DIP2B: variants seen among roughly 807,000 people sequenced by gnomAD.
The protein encoded by DIP2B is DIP2 acetate--CoA ligase B (putative), also known as disco-interacting protein 2 homolog B.
In DIP2B, 76 loss-of-function variants were observed where a neutral mutation model predicts 198.0. That is an observed-to-expected ratio of 0.38 (90% CI 0.32 to 0.46). The LOEUF (loss-of-function observed/expected upper bound fraction) is 0.46, where lower values mean the gene tolerates loss of function less well. DIP2B is among the 20% of genes least tolerant of loss of function. The probability of loss-of-function intolerance (pLI) is 0.99; values close to 1 mark genes in which losing one functional copy is unlikely to be tolerated. For synonymous variants in DIP2B, 701 were observed against 739.1 expected (o/e 0.95, Z 0.84); for missense variants, 1,559 against 1,978.4 (o/e 0.79, Z 4.02).
chr12:50,745,075 A>G lies in DIP2B; in HGVS notation c.*236A>G. 1.8e-6 allele frequency: 1 copy of G among 545,484 alleles called. No individual in the cohort carries two copies. The highest frequency in any genetic ancestry group is 3.2e-5 in the East Asian group (1 of 31,568). 33.8% of individuals were successfully genotyped at this position (545,484 alleles called of 1,614,324 possible). A position where few individuals can be genotyped will look rare whatever the true frequency, so the allele number is the denominator to read the frequency against. The stretch of plus-strand genomic sequence containing the variant: ...TGCTTTGACATAGCGTGAGCAGCAC[A>G]TTACTAAAGCAATTACATGCATGTT... On this transcript the variant is annotated 3_prime_UTR_variant, in exon 38 of 38. Coordinates refer to ENST00000301180, the MANE Select transcript of DIP2B (RefSeq NM_173602.3).
At chr12:50,713,517 A>G (rs899037071) in intron 22 of DIP2B, among the ~76,000 whole-genome samples, 10 of 152,256 alleles carry the variant, frequency 6.6e-5, no homozygotes, top group Admixed American at 4.6e-4. Context: ...GCAAACATGC[A>G]GTTACATGGC....
intron 9 of DIP2B, among the ~76,000 whole-genome samples, chr12:50,682,628 CAAAAAA>C (rs58672851): frequency 5.7e-4 from 24 of 42,140 alleles, no homozygotes; most frequent in African/African-American, 2.2e-3. Flanking sequence ...GACTCTGTCT[CAAAAAA>C]AAAAAAAAAA....
intron 1 of DIP2B, among the ~76,000 whole-genome samples, chr12:50,508,759 G>A (rs1480775844): frequency 6.6e-6 from 1 of 151,052 alleles, no homozygotes; most frequent in African/African-American, 2.4e-5. Flanking sequence ...AGGCTGGAGT[G>A]AAATGGTGCG....
intron 30 of DIP2B, among the ~76,000 whole-genome samples, chr12:50,729,928 G>C (rs1348036533): frequency 6.6e-6 from 1 of 151,838 alleles, no homozygotes; most frequent in Non-Finnish European, 1.5e-5. Flanking sequence ...TCGTCATGTT[G>C]CCCAGGCTGG....
chr12:50,571,548 GTTTTT>G (rs71083600), intron 1 of DIP2B, among the ~76,000 whole-genome samples: 37 of 85,778 alleles, frequency 4.3e-4, no homozygotes, highest in African/African-American at 1.8e-3. Context: ...AAACCTAGGC[GTTTTT>G]TTTTTTTTTT....
chr12:50,710,120 T>C (rs1939588689), intron 22 of DIP2B, among the ~76,000 whole-genome samples: 1 of 152,254 alleles, frequency 6.6e-6, no homozygotes, highest in Non-Finnish European at 1.5e-5. Flanking sequence ...TTTATTGTTT[T>C]CTACATCCAC....
intron 22 of DIP2B, among the ~76,000 whole-genome samples, chr12:50,713,259 T>C (rs1939652391): frequency 6.6e-6 from 1 of 152,224 alleles, no homozygotes; most frequent in African/African-American, 2.4e-5. Flanking sequence ...GGTTTTATTT[T>C]CTGTAAGTTA....
At chr12:50,704,975 A>C (rs1565877271) in intron 20 of DIP2B, among the ~76,000 whole-genome samples, 1 of 152,126 alleles carries the variant, frequency 6.6e-6, no homozygotes, top group Non-Finnish European at 1.5e-5. Context: ...AAAACAAAAA[A>C]GTTTGTTATT....
intron 1 of DIP2B, among the ~76,000 whole-genome samples, chr12:50,534,865 T>A (rs1319150410): frequency 6.6e-6 from 1 of 152,220 alleles, no homozygotes; most frequent in African/African-American, 2.4e-5. Context: ...TTCCTAGCTC[T>A]TAGTTCCTGA....
intron 1 of DIP2B, among the ~76,000 whole-genome samples, chr12:50,544,418 C>T (rs1158099711): frequency 1.3e-5 from 2 of 151,820 alleles, no homozygotes; most frequent in Non-Finnish European, 2.9e-5. Context: ...GCGATTCTCC[C>T]GCGTCAGCCA....
chr12:50,721,548 A>G, intron 26 of DIP2B, 152 bp downstream of exon 26: 1 of 1,114,996 alleles, frequency 9.0e-7, no homozygotes, highest in East Asian at 2.5e-5. Flanking sequence ...CAAAGTGGGA[A>G]CCAATCCTCA....
At chr12:50,528,017 T>C (rs1266900389) in intron 1 of DIP2B, among the ~76,000 whole-genome samples, 1 of 150,974 alleles carries the variant, frequency 6.6e-6, no homozygotes, top group Non-Finnish European at 1.5e-5. Flanking sequence ...AGCCTTGACC[T>C]CCCAGGCTCA....
chr12:50,610,348 A>T (rs918670373), intron 1 of DIP2B, among the ~76,000 whole-genome samples: 2 of 152,162 alleles, frequency 1.3e-5, no homozygotes, highest in African/African-American at 2.4e-5. Context: ...GATTAGTACA[A>T]TGAGTGAAAT....
intron 4 of DIP2B, among the ~76,000 whole-genome samples, chr12:50,665,357 A>G (rs1223936992): frequency 6.6e-6 from 1 of 152,226 alleles, no homozygotes; most frequent in Admixed American, 6.5e-5. Context: ...CATAGTCGCT[A>G]AGTAATTTGC....
At chr12:50,520,741 C>G (rs1028906180) in intron 1 of DIP2B, among the ~76,000 whole-genome samples, 3 of 152,190 alleles carry the variant, frequency 2.0e-5, no homozygotes, top group African/African-American at 7.2e-5. Flanking sequence ...CTCATCTCCC[C>G]TAAGTAAGCT....
In DIP2B at chr12:50,632,945, T is replaced by TA. The variant is rs79461135; in HGVS notation, c.172+6909dup. On this transcript the variant is annotated intron_variant, in intron 2 of 37. Coordinates refer to ENST00000301180, the MANE Select transcript of DIP2B (RefSeq NM_173602.3). Reference sequence around the variant, plus strand: ...AAATTTAGTGAGTGATTTTTTTTCTTAAAAAAAAAAATAATTAGAGACAGG... The same window carrying TA: ...AAATTTAGTGAGTGATTTTTTTTCTTAAAAAAAAAAAATAATTAGAGACAGG... 1.1e-3 allele frequency among the ~76,000 whole-genome samples: 169 copies of TA among 148,226 alleles called. No individual in the cohort carries two copies. In the East Asian group the frequency reaches 0.018, roughly 16 times the overall value.
intron 4 of DIP2B, among the ~76,000 whole-genome samples, chr12:50,662,165 A>G (rs896571571): frequency 6.6e-6 from 1 of 152,216 alleles, no homozygotes; most frequent in Non-Finnish European, 1.5e-5. Flanking sequence ...CATGATTCCA[A>G]AGATACAATC....
intron 4 of DIP2B, among the ~76,000 whole-genome samples, chr12:50,660,910 G>T (rs1291682535): frequency 6.6e-6 from 1 of 151,882 alleles, no homozygotes; most frequent in Non-Finnish European, 1.5e-5. Flanking sequence ...TTTATAACGG[G>T]GTCATGAGAT....
Position 50,728,528 on chromosome 12 carries a change from C to A in DIP2B, c.3511-20C>A. On this transcript the variant is annotated intron_variant, in intron 29 of 37. Coordinates refer to ENST00000301180, the MANE Select transcript of DIP2B (RefSeq NM_173602.3). Reference sequence around the variant, plus strand: ...TGTGGGATAACAGTCCCAGCCTGTTCCATTTTCCATACTTTCCAGATGTCC... The same window carrying A: ...TGTGGGATAACAGTCCCAGCCTGTTACATTTTCCATACTTTCCAGATGTCC... The A allele has an allele frequency of 6.2e-7, 1 of 1,611,418 alleles. No individual in the cohort carries two copies. The highest frequency in any genetic ancestry group is 1.1e-5 in the South Asian group (1 of 90,650).
Sources: gnomAD v4.1 joint callset for allele counts (sites outside exome capture counted in the v4.1 genomes callset) on GRCh38, gnomAD v4.1.1 for gene constraint, MANE v1.5 for transcripts, NCBI Gene and HGNC (gene_info 2026-07-23, HGNC 2026-07-21) for gene names.